SFRP1: variants seen among roughly 807,000 people sequenced by gnomAD.
SFRP1 encodes secreted frizzled-related protein 1.
SFRP1 carries 9 observed loss-of-function variants against 25.9 expected under a neutral mutation model. That is an observed-to-expected ratio of 0.35 (90% CI 0.21 to 0.61). SFRP1 has a LOEUF of 0.61. SFRP1 is among the 20% of genes least tolerant of loss of function. The pLI, the probability that SFRP1 is intolerant of heterozygous loss-of-function variation, is 0.78. For missense variants in SFRP1, 346 were observed against 418.2 expected (o/e 0.83, Z 1.51); for synonymous variants, 178 against 174.0 (o/e 1.02, Z -0.18).
chr8:41,290,886 C>CTCTTTTTTTTTTT (rs1803769043), intron 2 of SFRP1, among the ~76,000 whole-genome samples: 2 of 53,874 alleles, frequency 3.7e-5, no homozygotes, highest in Non-Finnish European at 8.1e-5. Context: ...TCTTCCTCGT[C>CTCTTTTTTTTTTT]TTTTTTTTTT....
rs1804039944 is a variant in SFRP1 at position 41,309,187 on chromosome 8, C to CGTCGGGGCT, written c.-37_-29dup. ...CGGCTCTGCGCCCTGTTCTCCGCGA[C>CGTCGGGGCT]GTCGGGGCTGCCTCCGCCGCCTCCC... is the stretch of plus-strand genomic sequence containing the variant. On this transcript the variant is annotated 5_prime_UTR_variant, in exon 1 of 3. Transcript: ENST00000220772. 2.3e-6 allele frequency: 3 copies of CGTCGGGGCT among 1,289,714 alleles called. No individual in the cohort carries two copies. The East Asian group carries it at 9.5e-5, about 41-fold the overall frequency. 79.9% of individuals were successfully genotyped at this position (1,289,714 alleles called of 1,614,324 possible).
At chr8:41,266,966 G>A (rs775507603) in intron 2 of SFRP1, among the ~76,000 whole-genome samples, 9 of 152,164 alleles carry the variant, frequency 5.9e-5, no homozygotes, top group African/African-American at 2.2e-4. Context: ...TCTCTATGGC[G>A]GTAAGACAGC....
intron 2 of SFRP1, among the ~76,000 whole-genome samples, chr8:41,292,995 G>A (rs1464350257): frequency 2.0e-5 from 3 of 152,246 alleles, no homozygotes; most frequent in Non-Finnish European, 4.4e-5. Flanking sequence ...CCTGCATCCT[G>A]TGAGTGGAAG....
intron 2 of SFRP1, among the ~76,000 whole-genome samples, chr8:41,293,438 T>C (rs925157250): frequency 6.6e-6 from 1 of 152,208 alleles, no homozygotes; most frequent in Admixed American, 6.5e-5. Flanking sequence ...TTCTCCTCTG[T>C]ATTTATTTAC....
intron 2 of SFRP1, among the ~76,000 whole-genome samples, chr8:41,292,619 A>G (rs1251572263): frequency 6.6e-6 from 1 of 152,118 alleles, no homozygotes; most frequent in East Asian, 1.9e-4. Flanking sequence ...ACAATTATGG[A>G]GACTTCCCTC....
intron 2 of SFRP1, among the ~76,000 whole-genome samples, chr8:41,299,951 T>C (rs1803894610): frequency 6.6e-6 from 1 of 152,206 alleles, no homozygotes; most frequent in South Asian, 2.1e-4. Context: ...CGGCATTAGA[T>C]ACAGAGCCTG....
chr8:41,298,245 C>G (rs1255182697), intron 2 of SFRP1: 1 of 152,106 alleles, frequency 6.6e-6, no homozygotes, highest in African/African-American at 2.4e-5. Flanking sequence ...CACGTGAGTT[C>G]GTGAAGTGTT....
chr8:41,301,612 G>A (rs1803917716), intron 2 of SFRP1, among the ~76,000 whole-genome samples: 1 of 152,234 alleles, frequency 6.6e-6, no homozygotes, highest in Admixed American at 6.5e-5. Flanking sequence ...ACTCTTAAGT[G>A]AGGAGGGCAG....
intron 2 of SFRP1, among the ~76,000 whole-genome samples, chr8:41,293,666 G>A (rs929545919): frequency 1.3e-5 from 2 of 151,888 alleles, no homozygotes; most frequent in Admixed American, 6.5e-5. Flanking sequence ...CTAGAACTAC[G>A]CACAAAGGCA....
Position 41,309,339 on chromosome 8 carries a change from G to T in SFRP1, c.-180C>A. On this transcript the variant is annotated 5_prime_UTR_variant, in exon 1 of 3. Coordinates refer to ENST00000220772, the MANE Select transcript of SFRP1 (RefSeq NM_003012.5). ...CGGCCAGTGGCGGCCCTCGGCCTGC[G>T]GTCGGAGGCGGCGCGGGCGGGGAGG... 2 of 610,968 alleles carry T rather than the reference G, an allele frequency of 3.3e-6. No homozygotes were observed. The highest frequency in any genetic ancestry group is 7.7e-5 in the South Asian group (1 of 12,952). The allele number at this position is 610,968 out of a possible 1,614,324, so 37.8% of individuals were successfully genotyped here. A position where few individuals can be genotyped will look rare whatever the true frequency, so the allele number is the denominator to read the frequency against.
At position 41,308,804 on chromosome 8, in the gene SFRP1, G is replaced by A; in HGVS notation, c.356C>T (p.Pro119Leu). 1 of 1,610,978 alleles carries A rather than the reference G, an allele frequency of 6.2e-7. No homozygotes were observed. Among genetic ancestry groups the A allele is most frequent in the Non-Finnish European group, 8.5e-7 (1 of 1,179,148 alleles). Reference sequence around the variant, plus strand: ...GTAGATGGGCCGGTCCAGGCAGACGGGCGCGAAGAGCGAGCAGAGGAAGAC... The same window carrying A: ...GTAGATGGGCCGGTCCAGGCAGACGAGCGCGAAGAGCGAGCAGAGGAAGAC... Reference protein sequence around the residue: ...TQVFLCSLFAPVCLDRPIYPC... With the variant: ...TQVFLCSLFALVCLDRPIYPC... The change falls in exon 1 of 3, where the codon CCC becomes CTC. Residue 119 changes from proline to leucine, a missense_variant. Coordinates refer to ENST00000220772, the MANE Select transcript of SFRP1 (RefSeq NM_003012.5).
At chr8:41,308,022 C>T (rs1804020154) in intron 1 of SFRP1, among the ~76,000 whole-genome samples, 1 of 152,220 alleles carries the variant, frequency 6.6e-6, no homozygotes, top group Non-Finnish European at 1.5e-5. Flanking sequence ...CCCCACGGTT[C>T]CTAAACTTTC....
chr8:41,270,363 T>C (rs966468917), intron 2 of SFRP1, among the ~76,000 whole-genome samples: 2 of 152,094 alleles, frequency 1.3e-5, no homozygotes, highest in Non-Finnish European at 1.5e-5. Context: ...ACATTTTGTA[T>C]GACAGAAAGC....
At chr8:41,282,356 T>G (rs1043807082) in intron 2 of SFRP1, among the ~76,000 whole-genome samples, 5 of 152,252 alleles carry the variant, frequency 3.3e-5, no homozygotes, top group South Asian at 2.1e-4. Context: ...GCTCTACATT[T>G]TTTTTAACTA....
At chr8:41,301,068 C>T (rs1407557421) in intron 2 of SFRP1, among the ~76,000 whole-genome samples, 6 of 152,166 alleles carry the variant, frequency 3.9e-5, no homozygotes, top group South Asian at 4.1e-4. Flanking sequence ...GTCAGACATG[C>T]CCAGCTCCAC....
chr8:41,278,145 CA>C (rs1321046148), intron 2 of SFRP1, among the ~76,000 whole-genome samples: 3 of 152,170 alleles, frequency 2.0e-5, no homozygotes, highest in African/African-American at 7.2e-5. Context: ...TGGAAGCCAG[CA>C]AAATTGGCAC....
At chr8:41,304,346 C>T (rs1803966395) in intron 1 of SFRP1, among the ~76,000 whole-genome samples, 1 of 152,220 alleles carries the variant, frequency 6.6e-6, no homozygotes, top group Admixed American at 6.5e-5. Context: ...AGGTAAAGGA[C>T]TCCAGCTTCC....
intron 2 of SFRP1, among the ~76,000 whole-genome samples, chr8:41,286,239 A>C (rs984460611): frequency 2.0e-5 from 3 of 152,172 alleles, no homozygotes; most frequent in Non-Finnish European, 4.4e-5. Context: ...CAGGAGATAC[A>C]TTAAGTCTGT....
chr8:41,269,171 G>A (rs1430171687), intron 2 of SFRP1, among the ~76,000 whole-genome samples: 1 of 152,214 alleles, frequency 6.6e-6, no homozygotes, highest in Non-Finnish European at 1.5e-5. Flanking sequence ...CTGGAGCATA[G>A]GGCTAAAACT....
Sources: allele counts gnomAD v4.1 joint callset (sites outside exome capture counted in the v4.1 genomes callset), GRCh38; gene constraint gnomAD v4.1.1; transcripts MANE v1.5; gene names NCBI Gene and HGNC (gene_info 2026-07-23, HGNC 2026-07-21).